Variants in CHST8 observed in about 807,000 individuals in gnomAD.
CHST8 encodes GALNAC-4-ST1.
Under a neutral mutation model 15.0 loss-of-function variants are expected in CHST8, and 10 were observed. The ratio of observed to expected loss-of-function variants is 0.67; its 90% CI spans 0.41 to 1.13. The LOEUF is 1.13. Ranked by LOEUF, CHST8 falls within the 50% of genes most tolerant of loss-of-function variation. The pLI, the probability that CHST8 is intolerant of heterozygous loss-of-function variation, is 0.00. For missense variants in CHST8, 634 were observed against 608.2 expected (o/e 1.04, Z -0.45); for synonymous variants, 259 against 256.6 (o/e 1.01, Z -0.09).
At chr19:33,711,352 C>T (rs1973545348) in intron 3 of CHST8, among the ~76,000 whole-genome samples, 1 of 152,182 alleles carries the variant, frequency 6.6e-6, no homozygotes, top group African/African-American at 2.4e-5. Context: ...GCTGGAAGTG[C>T]AACTGCTCTG....
chr19:33,628,016 A>G (rs1288174457), intron 1 of CHST8, among the ~76,000 whole-genome samples: 2 of 152,202 alleles, frequency 1.3e-5, no homozygotes, highest in Non-Finnish European at 2.9e-5. Context: ...ACACTCAGGT[A>G]CTATGAGACC....
At chr19:33,754,075 T>TCCCACCATCCATATGCCATCC (rs1243771813) in intron 3 of CHST8, among the ~76,000 whole-genome samples, 8 of 46,160 alleles carry the variant, frequency 1.7e-4, no homozygotes, top group Non-Finnish European at 3.2e-4. Context: ...CCACACCATC[T>TCCCACCATCCATATGCCATCC]CCCACCATCC....
intron 3 of CHST8, among the ~76,000 whole-genome samples, chr19:33,743,129 CT>C (rs1424606281): frequency 3.3e-5 from 5 of 152,126 alleles, no homozygotes; most frequent in Admixed American, 6.5e-5. Flanking sequence ...CATATGCCCC[CT>C]GATCCTCCTT....
intron 3 of CHST8, among the ~76,000 whole-genome samples, chr19:33,731,233 G>T (rs185405282): frequency 7.2e-4 from 110 of 152,332 alleles, no homozygotes; most frequent in Non-Finnish European, 1.1e-3. Flanking sequence ...AGGCGGAGCA[G>T]CAGCTTGGGC....
At chr19:33,669,490 A>G (rs76597078) in intron 2 of CHST8, among the ~76,000 whole-genome samples, 1,609 of 152,316 alleles carry the variant, frequency 0.011, 23 homozygotes, top group African/African-American at 0.037. Flanking sequence ...AATTTATTCT[A>G]AAACCTGTGG....
chr19:33,672,167 T>C (rs1335017372), intron 2 of CHST8, among the ~76,000 whole-genome samples: 1 of 151,906 alleles, frequency 6.6e-6, no homozygotes, highest in African/African-American at 2.4e-5. Context: ...TGGAATCCTC[T>C]TCTCCATTGA....
chr19:33,756,106 G>A (rs1039365336), intron 3 of CHST8, among the ~76,000 whole-genome samples: 2 of 152,236 alleles, frequency 1.3e-5, no homozygotes, highest in African/African-American at 4.8e-5. Context: ...CGAAGAACGG[G>A]AAGGGGGTTG....
At chr19:33,646,281 T>G (rs10412167) in intron 1 of CHST8, among the ~76,000 whole-genome samples, 16,318 of 152,020 alleles carry the variant, frequency 0.11, 1,684 homozygotes, top group African/African-American at 0.27. Context: ...TGGCCGGCTG[T>G]GTTAGGGATG....
chr19:33,766,794 G>A (rs1246557169), intron 3 of CHST8, among the ~76,000 whole-genome samples: 2 of 152,222 alleles, frequency 1.3e-5, no homozygotes, highest in Non-Finnish European at 2.9e-5. Context: ...CTGGCCTGTT[G>A]GGCAATGGAA....
At chr19:33,695,172 C>G (rs1973187008) in intron 3 of CHST8, among the ~76,000 whole-genome samples, 1 of 152,006 alleles carries the variant, frequency 6.6e-6, no homozygotes. Context: ...GTCTTAAACT[C>G]CTGGGCTCAA....
At chr19:33,702,890 G>C (rs1973370513) in intron 3 of CHST8, among the ~76,000 whole-genome samples, 1 of 152,212 alleles carries the variant, frequency 6.6e-6, no homozygotes, top group African/African-American at 2.4e-5. Context: ...TGGAGTGCTG[G>C]GACTGCTCCG....
At chr19:33,669,689 T>C (rs1466074333) in intron 2 of CHST8, among the ~76,000 whole-genome samples, 1 of 152,112 alleles carries the variant, frequency 6.6e-6, no homozygotes, top group Non-Finnish European at 1.5e-5. Context: ...AGACCTTAAC[T>C]TGGCAAAGAA....
chr19:33,773,117 C>T lies in CHST8; in HGVS notation c.*54C>T, dbSNP rs544488793. The T allele has an allele frequency of 6.3e-4, 953 of 1,515,056 alleles. 13 individuals carry two copies. The South Asian group carries it at 0.012, about 18-fold the overall frequency. The allele number at this position is 1,515,056 out of a possible 1,614,324, so 93.9% of individuals were successfully genotyped here. ...TGCCCCGGTCACTCACCTGTGCTCCCGGGCATCCTCCTGTCCCTGGCTCCT... is the reference window on the plus strand; with the variant it reads ...TGCCCCGGTCACTCACCTGTGCTCCTGGGCATCCTCCTGTCCCTGGCTCCT... On this transcript the variant is annotated 3_prime_UTR_variant, in exon 5 of 5. Coordinates refer to ENST00000650847, the MANE Select transcript of CHST8 (RefSeq NM_001127895.2).
chr19:33,732,697 T>C (rs1345287443), intron 3 of CHST8, among the ~76,000 whole-genome samples: 3 of 152,030 alleles, frequency 2.0e-5, no homozygotes, highest in Non-Finnish European at 4.4e-5. Flanking sequence ...ATCTCAATCA[T>C]TATTTGTTCA....
chr19:33,723,681 G>C (rs1478202151), intron 3 of CHST8, among the ~76,000 whole-genome samples: 1 of 152,224 alleles, frequency 6.6e-6, no homozygotes, highest in Non-Finnish European at 1.5e-5. Flanking sequence ...AATTGCAAGG[G>C]ACAGCATCAG....
intron 1 of CHST8, among the ~76,000 whole-genome samples, chr19:33,661,583 G>A (rs1039246379): frequency 5.9e-5 from 9 of 152,158 alleles, no homozygotes; most frequent in African/African-American, 2.2e-4. Context: ...TCAGGAAAGG[G>A]GTGATGCCCA....
chr19:33,717,196 C>G (rs929285708), intron 3 of CHST8, among the ~76,000 whole-genome samples: 1 of 152,160 alleles, frequency 6.6e-6, no homozygotes. Context: ...TGAGGTGGCT[C>G]ATGCTTATAA....
chr19:33,757,514 GAAAGAAAGAGAAAGAAAGAAA>G (rs1974608442), intron 3 of CHST8, among the ~76,000 whole-genome samples: 1 of 54,042 alleles, frequency 1.9e-5, no homozygotes, highest in Non-Finnish European at 3.5e-5. Flanking sequence ...AAGAAAGAAA[GAAAGAAAGAGAAAGAAAGAAA>G]GAAAGAAAGA....
intron 3 of CHST8, among the ~76,000 whole-genome samples, chr19:33,708,855 C>T (rs1344354513): frequency 1.3e-5 from 2 of 152,168 alleles, no homozygotes; most frequent in Non-Finnish European, 2.9e-5. Context: ...TCTTACAATC[C>T]ATGAACGTGG....
Sources: gnomAD v4.1 joint callset for allele counts (sites outside exome capture counted in the v4.1 genomes callset) on GRCh38, gnomAD v4.1.1 for gene constraint, MANE v1.5 for transcripts, NCBI Gene and HGNC (gene_info 2026-07-23, HGNC 2026-07-21) for gene names.